DAB2IP: variants seen among roughly 807,000 people sequenced by gnomAD.
DAB2IP encodes DAB2 interacting protein.
Under a neutral mutation model 107.2 loss-of-function variants are expected in DAB2IP, and 28 were observed. That is an observed-to-expected ratio of 0.26 (90% confidence interval 0.19 to 0.36). The LOEUF (loss-of-function observed/expected upper bound fraction) is 0.36, where lower values mean the gene tolerates loss of function less well. Ranked by LOEUF, DAB2IP falls within the 10% of genes least tolerant of loss-of-function variation. The pLI, the probability that DAB2IP is intolerant of heterozygous loss-of-function variation, is 1.00. For missense variants in DAB2IP, 1,400 were observed against 1,644.7 expected (o/e 0.85, Z 2.57); for synonymous variants, 755 against 706.4 (o/e 1.07, Z -1.09).
intron 3 of DAB2IP, among the ~76,000 whole-genome samples, chr9:121,731,776 T>C (rs1301945897): frequency 2.0e-5 from 3 of 152,214 alleles, no homozygotes; most frequent in Non-Finnish European, 4.4e-5. Context: ...TTTTGGGGTC[T>C]GGGTGTAGAG....
intron 9 of DAB2IP, 59 bp downstream of exon 9, chr9:121,766,789 C>A (rs764284640): frequency 5.6e-5 from 87 of 1,558,416 alleles, no homozygotes; most frequent in Non-Finnish European, 7.5e-5. Flanking sequence ...ACAGGGCAGG[C>A]CCTGGGGGTG....
At position 121,661,562 on chromosome 9, in the gene DAB2IP, C is replaced by T. The variant is rs376262170; in HGVS notation, c.124+9663C>T. ...CGGTTTTACTAGCACAGGGAGTGCT[C>T]CGGCTCCTGTGTGTCGGGGAAATTC... On this transcript the variant is annotated intron_variant, in intron 1 of 15. Coordinates refer to ENST00000408936, the Ensembl canonical transcript of DAB2IP. Among the ~76,000 whole-genome samples the T allele has an allele frequency of 2.0e-5, 3 of 152,184 alleles. No individual in the cohort carries two copies. In the East Asian group the frequency reaches 5.8e-4, roughly 29 times the overall value.
In DAB2IP at chr9:121,776,696, G is replaced by T. The variant is rs77901152; in HGVS notation, c.3314+305G>T. On this transcript the variant is annotated intron_variant, in intron 14 of 15. Transcript: ENST00000408936. The surrounding 1 kb of genome is among the most constrained non-coding windows in gnomAD (Gnocchi z 5.4). ...CATCTTAGTAAGCACTCTCAGGGGC[G>T]CTGAGAAGCTGGATTGGGGGGTGCC... Among the ~76,000 whole-genome samples, 1 of 152,164 alleles carries T rather than the reference G, an allele frequency of 6.6e-6. No homozygotes were observed. The highest frequency in any genetic ancestry group is 1.5e-5 in the Non-Finnish European group (1 of 68,028).
chr9:121,729,226 G>A (rs1831389689), intron 3 of DAB2IP, among the ~76,000 whole-genome samples: 1 of 152,112 alleles, frequency 6.6e-6, no homozygotes, highest in Non-Finnish European at 1.5e-5. Flanking sequence ...AAGAGCCAAG[G>A]GGGAAATGCC....
chr9:121,675,869 A>T (rs975548842), intron 1 of DAB2IP, among the ~76,000 whole-genome samples: 2 of 152,202 alleles, frequency 1.3e-5, no homozygotes, highest in African/African-American at 4.8e-5. Flanking sequence ...CGAAGGGGTG[A>T]GAGATGAAGG....
At chr9:121,685,944 G>A (rs1387583219) in intron 2 of DAB2IP, among the ~76,000 whole-genome samples, 6 of 152,208 alleles carry the variant, frequency 3.9e-5, no homozygotes, top group African/African-American at 1.4e-4. Context: ...AGAGATCCAC[G>A]GCAGTGAACA....
intron 3 of DAB2IP, among the ~76,000 whole-genome samples, chr9:121,710,308 G>C (rs1017168597): frequency 6.6e-6 from 1 of 152,198 alleles, no homozygotes; most frequent in Non-Finnish European, 1.5e-5. Context: ...CGGTTTGGAA[G>C]TATGTCCCAA....
intron 1 of DAB2IP, among the ~76,000 whole-genome samples, chr9:121,570,028 C>T (rs1408215533): frequency 6.6e-6 from 1 of 151,436 alleles, no homozygotes; most frequent in African/African-American, 2.4e-5. Flanking sequence ...CTCTCGGGCT[C>T]AAGCAATTCC....
chr9:121,699,533 G>A lies in DAB2IP; in HGVS notation c.362+75G>A. On this transcript the variant is annotated intron_variant, in intron 3 of 15. Transcript: ENST00000408936. The surrounding 1 kb of genome is among the most constrained non-coding windows in gnomAD (Gnocchi z 6.2). ...GCCCCTGAGGACGCGGGGACAAAGC[G>A]CGAGCCCGGCCCGGGGCGAGCCACA... 8.7e-7 allele frequency: 1 copy of A among 1,146,024 alleles called. No individual in the cohort carries two copies. The highest frequency in any genetic ancestry group is 4.0e-5 in the South Asian group (1 of 24,714). 71.0% of individuals were successfully genotyped at this position (1,146,024 alleles called of 1,614,324 possible).
At chr9:121,783,374 G>A in exon 16 of DAB2IP, 3 of 1,523,398 alleles carry the variant, frequency 2.0e-6, no homozygotes, top group Non-Finnish European at 2.6e-6. Context: ...CCTTCTCCTG[G>A]GGCCCAGCAC....
intron 3 of DAB2IP, among the ~76,000 whole-genome samples, chr9:121,717,334 T>A (rs974305272): frequency 6.6e-6 from 1 of 152,232 alleles, no homozygotes; most frequent in African/African-American, 2.4e-5. Context: ...AAGCCCTTTT[T>A]ATCCAGCTAG....
chr9:121,570,107 C>CTTTTTTT (rs60818537), intron 1 of DAB2IP, among the ~76,000 whole-genome samples: 1 of 101,504 alleles, frequency 9.9e-6, no homozygotes, highest in African/African-American at 4.2e-5. Context: ...TTCTCTTTCT[C>CTTTTTTT]TTTTTTTTTT....
At chr9:121,689,603 A>T (rs1470825582) in intron 2 of DAB2IP, among the ~76,000 whole-genome samples, 1 of 151,412 alleles carries the variant, frequency 6.6e-6, no homozygotes, top group African/African-American at 2.4e-5. Context: ...GGAGAGAAAC[A>T]AGATAGCATC....
chr9:121,737,598 G>A (rs1832019378), intron 3 of DAB2IP: 1 of 985,430 alleles, frequency 1.0e-6, no homozygotes, highest in Non-Finnish European at 1.2e-6. Context: ...GGCCGGGCCG[G>A]AGGGGCTGCT....
chr9:121,614,337 CTTTTTTTT>C (rs35959966), intron 1 of DAB2IP, among the ~76,000 whole-genome samples: 1 of 102,772 alleles, frequency 9.7e-6, no homozygotes, highest in Admixed American at 1.3e-4. Context: ...TCTTTCTTTT[CTTTTTTTT>C]TTTTTTTTTT....
At chr9:121,774,114 C>A in intron 12 of DAB2IP, 146 bp from the exon 13 acceptor site, 1 of 929,452 alleles carries the variant, frequency 1.1e-6, no homozygotes, top group Non-Finnish European at 1.5e-6. Context: ...GTGGGGACTG[C>A]CTCGGTAGGC....
At position 121,772,915 on chromosome 9, in the gene DAB2IP, G is replaced by A. The variant is rs1028557731; in HGVS notation, c.2387G>A (p.Gly796Glu). The A allele has an allele frequency of 6.4e-7, 1 of 1,565,836 alleles. No homozygotes were observed. Among genetic ancestry groups the A allele is most frequent in the South Asian group, 1.2e-5 (1 of 83,618 alleles). The change falls in exon 12 of 16, where the codon GGG becomes GAG. Residue 796 changes from glycine to glutamate, a missense_variant. By Grantham distance (98) the Gly-to-Glu change is moderately conservative (BLOSUM62 -2). Transcript: ENST00000408936. This position sits in a 1 kb window ranked among gnomAD's most constrained non-coding sequence, Gnocchi z 4.7. ...CGGGCAACCCCAGTGAACCTGGCAG[G>A]GCTGGCCACGGTGCGGCGGGCAGGC...
At chr9:121,696,067 C>A (rs535112191) in intron 2 of DAB2IP, among the ~76,000 whole-genome samples, 1 of 152,226 alleles carries the variant, frequency 6.6e-6, no homozygotes, top group East Asian at 1.9e-4. Context: ...CGGGGTTTTG[C>A]CATCTTGGCC....
At chr9:121,691,369 T>C (rs1481151151) in intron 2 of DAB2IP, among the ~76,000 whole-genome samples, 1 of 151,648 alleles carries the variant, frequency 6.6e-6, no homozygotes, top group East Asian at 1.9e-4. Context: ...ACCTGAAGGG[T>C]GTGGAGAGTC....
Sources: allele counts gnomAD v4.1 joint callset (sites outside exome capture counted in the v4.1 genomes callset), GRCh38; gene constraint gnomAD v4.1.1; non-coding constraint Gnocchi (gnomAD v3.1); transcripts MANE v1.5; gene names NCBI Gene and HGNC (gene_info 2026-07-23, HGNC 2026-07-21).